The following ERBB4 variants were observed in gnomAD, a reference collection of about 807,000 sequenced individuals.
The protein encoded by ERBB4 is receptor tyrosine-protein kinase erbB-4.
In ERBB4, 42 loss-of-function variants were observed where a neutral mutation model predicts 158.0. The observed-to-expected ratio is 0.27, with a 90% confidence interval of 0.21 to 0.34. The LOEUF (loss-of-function observed/expected upper bound fraction) is 0.34. ERBB4 is among the 10% of genes least tolerant of loss of function. ERBB4 has a pLI of 1.00. For synonymous variants in ERBB4, 583 were observed against 558.7 expected, an observed-to-expected ratio of 1.04 and a Z score of -0.61; for missense variants, 1,333 against 1,624.1, an observed-to-expected ratio of 0.82 and a Z score of 3.08.
chr2:211,428,212 TAAAATAAAATA>T, intron 22 of ERBB4, among the ~76,000 whole-genome samples, 185 bp downstream of exon 22: 1 of 80,068 alleles, frequency 1.2e-5, no homozygotes, highest in African/African-American at 1.1e-4. Context: ...TCGCAGAACT[TAAAATAAAATA>T]AAATAAAATA....
At chr2:211,495,138 A>G (rs1338819425) in intron 20 of ERBB4, among the ~76,000 whole-genome samples, 1 of 152,088 alleles carries the variant, frequency 6.6e-6, no homozygotes, top group East Asian at 1.9e-4. Flanking sequence ...CTTCATAGAA[A>G]CTACACTTAT....
intron 4 of ERBB4, among the ~76,000 whole-genome samples, chr2:211,761,166 G>A (rs996292570): frequency 1.5e-5 from 2 of 132,516 alleles, no homozygotes; most frequent in Non-Finnish European, 3.1e-5. Flanking sequence ...CTGTACTCCA[G>A]CCTGGCGACA....
At chr2:212,254,672 T>A (rs576571153) in intron 1 of ERBB4, among the ~76,000 whole-genome samples, 11 of 152,166 alleles carry the variant, frequency 7.2e-5, no homozygotes, top group African/African-American at 2.7e-4. Flanking sequence ...AAAGACAGCA[T>A]GCCACTGATG....
At chr2:211,768,565 C>T (rs67838351) in intron 4 of ERBB4, among the ~76,000 whole-genome samples, 21,712 of 152,234 alleles carry the variant, frequency 0.14, 1,756 homozygotes, top group South Asian at 0.33. Flanking sequence ...GGTTCTCAAA[C>T]CTCAATTCTT....
chr2:211,424,679 T>C (rs2063586940), intron 22 of ERBB4, among the ~76,000 whole-genome samples: 1 of 152,134 alleles, frequency 6.6e-6, no homozygotes, highest in South Asian at 2.1e-4. Flanking sequence ...TCAGTACCAA[T>C]AAATATGCTT....
At chr2:211,989,263 C>T (rs1004232214) in intron 2 of ERBB4, among the ~76,000 whole-genome samples, 6 of 151,910 alleles carry the variant, frequency 3.9e-5, no homozygotes, top group African/African-American at 1.4e-4. Context: ...GGTCCTCAAT[C>T]TTGCCAAGTA....
chr2:212,285,187 GAGATAATCATTC>G (rs2085914833), intron 1 of ERBB4, among the ~76,000 whole-genome samples: 1 of 152,128 alleles, frequency 6.6e-6, no homozygotes, highest in South Asian at 2.1e-4. Flanking sequence ...CGCCAAAACA[GAGATAATCATTC>G]AGCACTATGG....
At chr2:212,528,332 C>G (rs925407272) in intron 1 of ERBB4, among the ~76,000 whole-genome samples, 4 of 152,180 alleles carry the variant, frequency 2.6e-5, no homozygotes, top group Middle Eastern at 3.4e-3. Flanking sequence ...AAGGCAGAGC[C>G]AGCTGGCTCT....
At chr2:212,167,688 C>T (rs991695044) in intron 1 of ERBB4, among the ~76,000 whole-genome samples, 2 of 152,030 alleles carry the variant, frequency 1.3e-5, no homozygotes. Flanking sequence ...ATGGAACCAA[C>T]ACAAATGCCC....
intron 1 of ERBB4, among the ~76,000 whole-genome samples, chr2:212,340,459 A>G (rs2088653846): frequency 6.6e-6 from 1 of 151,862 alleles, no homozygotes. Flanking sequence ...AATCAGTGGG[A>G]GCCCTGAACT....
chr2:211,772,916 C>CATATATATATATATAT (rs777305120), intron 4 of ERBB4, among the ~76,000 whole-genome samples: 1 of 63,262 alleles, frequency 1.6e-5, no homozygotes, highest in African/African-American at 7.5e-5. Context: ...TATACACACA[C>CATATATATATATATAT]ACACACACAT....
chr2:211,636,694 T>A (rs1477747574), intron 16 of ERBB4, among the ~76,000 whole-genome samples: 2 of 151,874 alleles, frequency 1.3e-5, no homozygotes, highest in African/African-American at 4.8e-5. Context: ...ATACCCAGAG[T>A]TAATAAGTAT....
intron 20 of ERBB4, among the ~76,000 whole-genome samples, chr2:211,442,695 G>A (rs1263451342): frequency 5.5e-5 from 8 of 145,810 alleles, no homozygotes; most frequent in African/African-American, 1.5e-4. Flanking sequence ...ATATGTATAC[G>A]TGTGTATATA....
intron 4 of ERBB4, among the ~76,000 whole-genome samples, chr2:211,761,330 T>C (rs1180686977): frequency 1.3e-5 from 2 of 152,194 alleles, no homozygotes; most frequent in Admixed American, 6.5e-5. Context: ...TTGATGGTGA[T>C]GTTTTAGAGC....
At chr2:211,842,255 G>GTT (rs66970586) in intron 3 of ERBB4, among the ~76,000 whole-genome samples, 4 of 150,358 alleles carry the variant, frequency 2.7e-5, no homozygotes, top group African/African-American at 9.7e-5. Flanking sequence ...AGGCTGTTGG[G>GTT]TTTTTTTTTG....
rs13408656 is a variant in ERBB4, at chr2:211,843,417, A to G, written c.422-55258T>C. On this transcript the variant is annotated intron_variant, in intron 3 of 27. Coordinates refer to ENST00000342788, the MANE Select transcript of ERBB4 (RefSeq NM_005235.3). ...CTGGTGCACATGTGCGTGCGTGTGC[A>G]CACACACACACACACACACAGCATC... 2.3e-3 allele frequency among the ~76,000 whole-genome samples: 347 copies of G among 149,134 alleles called. 2 individuals are homozygous for G. Among genetic ancestry groups the G allele is most frequent in the African/African-American group, 8.1e-3 (327 of 40,360 alleles).
chr2:211,972,429 A>G (rs2081481234), intron 2 of ERBB4, among the ~76,000 whole-genome samples: 2 of 152,224 alleles, frequency 1.3e-5, no homozygotes, highest in Non-Finnish European at 2.9e-5. Context: ...GAACCAAATA[A>G]GACCTGCATA....
At chr2:211,419,549 G>T (rs1175696359) in intron 25 of ERBB4, among the ~76,000 whole-genome samples, 1 of 151,990 alleles carries the variant, frequency 6.6e-6, no homozygotes, top group Non-Finnish European at 1.5e-5. Flanking sequence ...CTTATCAATG[G>T]AAGAAACTGA....
At chr2:211,484,657 C>T (rs1042859639) in intron 20 of ERBB4, among the ~76,000 whole-genome samples, 2 of 152,074 alleles carry the variant, frequency 1.3e-5, no homozygotes, top group African/African-American at 2.4e-5. Context: ...TTCAACAGGA[C>T]ATAACAATCC....
Sources: gnomAD v4.1 joint callset for allele counts (sites outside exome capture counted in the v4.1 genomes callset) on GRCh38, gnomAD v4.1.1 for gene constraint, MANE v1.5 for transcripts, NCBI Gene and HGNC (gene_info 2026-07-23, HGNC 2026-07-21) for gene names.